Variants in WDPCP observed in about 807,000 individuals in gnomAD.
WDPCP encodes the protein WD repeat-containing and planar cell polarity effector protein fritz homolog.
Under a neutral mutation model 93.1 loss-of-function variants are expected in WDPCP, and 71 were observed. The ratio of observed to expected loss-of-function variants is 0.76; its 90% CI spans 0.63 to 0.93. The LOEUF (loss-of-function observed/expected upper bound fraction) is 0.93, where lower values mean the gene tolerates loss of function less well. Among genes scored for constraint, WDPCP ranks in the 40% least tolerant of loss-of-function variants. WDPCP has a pLI of 0.00. For missense variants in WDPCP, 844 were observed against 887.4 expected, an observed-to-expected ratio of 0.95 and a Z score of 0.62; for synonymous variants, 315 against 315.0, an observed-to-expected ratio of 1.00 and a Z score of 0.00.
chr2:63,233,811 T>G (rs1164088161), intron 14 of WDPCP, among the ~76,000 whole-genome samples: 1 of 152,086 alleles, frequency 6.6e-6, no homozygotes, highest in Non-Finnish European at 1.5e-5. Flanking sequence ...GCCACAGACA[T>G]TAATGATGCC....
chr2:63,606,800 G>A (rs1218459594), intron 3 of WDPCP: 1 of 1,344,270 alleles, frequency 7.4e-7, no homozygotes, highest in Non-Finnish European at 1.0e-6. Flanking sequence ...TTCAAACAAG[G>A]TTGTTGCTTA....
At chr2:63,156,154 C>T (rs569550367) in intron 15 of WDPCP, among the ~76,000 whole-genome samples, 2 of 152,080 alleles carry the variant, frequency 1.3e-5, no homozygotes, top group South Asian at 2.1e-4. Flanking sequence ...CGTGTGCCAC[C>T]ACACCCGGCT....
intron 3 of WDPCP, among the ~76,000 whole-genome samples, chr2:63,638,660 A>T (rs905066035): frequency 5.9e-5 from 9 of 152,060 alleles, no homozygotes; most frequent in Non-Finnish European, 1.2e-4. Flanking sequence ...ATGGTTGTAC[A>T]TGCCTGTAGT....
the WDPCP span, among the ~76,000 whole-genome samples, chr2:63,839,633 C>T: frequency 6.6e-6 from 1 of 152,228 alleles, no homozygotes; most frequent in Non-Finnish European, 1.5e-5. Context: ...GGCTAAGTAA[C>T]CCTACGTGGC....
chr2:63,521,105 C>T (rs1702896807), intron 1 of WDPCP, among the ~76,000 whole-genome samples: 1 of 152,106 alleles, frequency 6.6e-6, no homozygotes, highest in African/African-American at 2.4e-5. Flanking sequence ...CACTACAAAA[C>T]CACATTTAAA....
At chr2:63,484,694 G>T in intron 5 of WDPCP, 31 bp from the exon 6 acceptor site, 1 of 1,612,402 alleles carries the variant, frequency 6.2e-7, no homozygotes, top group South Asian at 1.1e-5. Context: ...AGAGAGCGTA[G>T]TTGGCTGTAC....
intron 2 of WDPCP, among the ~76,000 whole-genome samples, chr2:63,741,761 C>A (rs1669718044): frequency 6.6e-6 from 1 of 151,944 alleles, no homozygotes; most frequent in South Asian, 2.1e-4. Flanking sequence ...AAAAGCACAA[C>A]AAATAAAGCC....
chr2:63,424,545 TTGAC>T (rs775732138), intron 9 of WDPCP, among the ~76,000 whole-genome samples: 1 of 152,118 alleles, frequency 6.6e-6, no homozygotes, highest in Non-Finnish European at 1.5e-5. Flanking sequence ...TTGGAGCACT[TTGAC>T]TGCCCCAATA....
intron 2 of WDPCP, among the ~76,000 whole-genome samples, chr2:63,657,205 G>GTTTTTTTT (rs61597471): frequency 3.5e-5 from 4 of 114,166 alleles, no homozygotes; most frequent in African/African-American, 1.0e-4. Context: ...TCTGGGTGAT[G>GTTTTTTTT]TTTTTTTTTT....
At chr2:63,374,392 T>C (rs1691666018) in intron 12 of WDPCP, among the ~76,000 whole-genome samples, 2 of 152,170 alleles carry the variant, frequency 1.3e-5, no homozygotes, top group South Asian at 4.1e-4. Flanking sequence ...TTTGAATATA[T>C]TATCTAGCAT....
intron 10 of WDPCP, among the ~76,000 whole-genome samples, chr2:63,398,689 G>A (rs865901769): frequency 6.6e-6 from 1 of 151,816 alleles, no homozygotes; most frequent in African/African-American, 2.4e-5. Flanking sequence ...TACGACCCAT[G>A]ATCTATCTTT....
chr2:63,272,335 A>C (rs1226727251), intron 13 of WDPCP, among the ~76,000 whole-genome samples: 1 of 152,200 alleles, frequency 6.6e-6, no homozygotes, highest in Admixed American at 6.5e-5. Flanking sequence ...CTATAGATAC[A>C]TATTTAGGAA....
At chr2:63,655,420 G>A (rs911953387) in intron 2 of WDPCP, among the ~76,000 whole-genome samples, 7 of 149,472 alleles carry the variant, frequency 4.7e-5, no homozygotes, top group Non-Finnish European at 8.9e-5. Context: ...ATATACACAC[G>A]TATATATATA....
chr2:63,376,177 T>C (rs1043910034), intron 12 of WDPCP, among the ~76,000 whole-genome samples: 3 of 151,934 alleles, frequency 2.0e-5, no homozygotes, highest in African/African-American at 4.8e-5. Flanking sequence ...GTTTCTTTTT[T>C]CATAATACTG....
intron 1 of WDPCP, among the ~76,000 whole-genome samples, chr2:63,511,817 C>T (rs1702253376): frequency 6.6e-6 from 1 of 152,122 alleles, no homozygotes; most frequent in Non-Finnish European, 1.5e-5. Flanking sequence ...ATAGGCAATA[C>T]CATTCAGGAC....
intron 2 of WDPCP, among the ~76,000 whole-genome samples, chr2:63,769,785 C>T (rs1315551340): frequency 6.6e-6 from 1 of 151,830 alleles, no homozygotes; most frequent in Non-Finnish European, 1.5e-5. Flanking sequence ...TCATAATTCA[C>T]ATTTCAAGGT....
At chr2:63,569,624 G>C (rs914214849) in intron 1 of WDPCP, among the ~76,000 whole-genome samples, 1 of 152,196 alleles carries the variant, frequency 6.6e-6, no homozygotes, top group Non-Finnish European at 1.5e-5. Context: ...AGTGCTGGGA[G>C]CCTGTACTCA....
At chr2:63,489,726 G>A (rs1174038331) in intron 2 of WDPCP, among the ~76,000 whole-genome samples, 1 of 151,906 alleles carries the variant, frequency 6.6e-6, no homozygotes, top group Non-Finnish European at 1.5e-5. Flanking sequence ...ATAAAATAAT[G>A]ATATGACTAT....
intron 2 of WDPCP, among the ~76,000 whole-genome samples, chr2:63,712,035 C>T (rs1669270797): frequency 6.6e-6 from 1 of 152,016 alleles, no homozygotes; most frequent in Admixed American, 6.6e-5. Flanking sequence ...AGGAATAGTT[C>T]TTGGGGCTTT....
Sources: allele counts gnomAD v4.1 joint callset (sites outside exome capture counted in the v4.1 genomes callset), GRCh38; gene constraint gnomAD v4.1.1; transcripts MANE v1.5; gene names NCBI Gene and HGNC (gene_info 2026-07-23, HGNC 2026-07-21).